RBKS: variants seen among roughly 807,000 people sequenced by gnomAD.
RBKS encodes the protein ribokinase.
Under a neutral mutation model 33.9 loss-of-function variants are expected in RBKS, and 33 were observed. That is an observed-to-expected ratio of 0.97 (90% CI 0.74 to 1.30). The LOEUF is 1.30. RBKS is among the 50% of genes most tolerant of loss of function. RBKS has a pLI of 0.00. For synonymous variants in RBKS, 125 were observed against 143.0 expected (o/e 0.87, Z 0.90); for missense variants, 361 against 392.6 (o/e 0.92, Z 0.68).
chr2:27,866,116 G>T (rs1044897618), intron 1 of RBKS, among the ~76,000 whole-genome samples: 1 of 151,960 alleles, frequency 6.6e-6, no homozygotes, highest in Non-Finnish European at 1.5e-5. Context: ...GAGTTTTCTG[G>T]TGATAAATTC....
At chr2:27,814,670 T>A (rs746363240) in intron 7 of RBKS, among the ~76,000 whole-genome samples, 22 of 152,230 alleles carry the variant, frequency 1.4e-4, no homozygotes, top group Admixed American at 1.2e-3. Context: ...GATGTCACTA[T>A]AATCTTTTTC....
chr2:27,878,758 G>C (rs1664366058), intron 1 of RBKS, among the ~76,000 whole-genome samples: 2 of 152,148 alleles, frequency 1.3e-5, no homozygotes, highest in Non-Finnish European at 2.9e-5. Flanking sequence ...TTATGGTTTT[G>C]ATTTGCATTT....
At chr2:27,802,020 T>TAG (rs1166883992) in intron 7 of RBKS, among the ~76,000 whole-genome samples, 2 of 109,370 alleles carry the variant, frequency 1.8e-5, no homozygotes, top group East Asian at 7.3e-4. Context: ...TTTTTTTTTT[T>TAG]AGAGAGAGAG....
At chr2:27,872,969 G>A (rs1267375787) in intron 1 of RBKS, among the ~76,000 whole-genome samples, 2 of 152,178 alleles carry the variant, frequency 1.3e-5, no homozygotes, top group African/African-American at 4.8e-5. Context: ...TGCTATACTC[G>A]CAGAGAAAGC....
Position 27,790,945 on chromosome 2 carries a change from T to A in RBKS, c.796-9157A>T, listed in dbSNP as rs143824240. ...TATTTATCCAAAAGAAATGAAAGTATATGTCCACATAAAGACCTACATGTG... is the reference window on the plus strand; with the variant it reads ...TATTTATCCAAAAGAAATGAAAGTAAATGTCCACATAAAGACCTACATGTG... On this transcript the variant is annotated intron_variant, in intron 7 of 7. Coordinates refer to ENST00000302188, the MANE Select transcript of RBKS (RefSeq NM_022128.3). Among the ~76,000 whole-genome samples, 1,007 of 152,348 alleles carry A rather than the reference T, an allele frequency of 6.6e-3. 4 individuals are homozygous for A. Among genetic ancestry groups the A allele is most frequent in the Non-Finnish European group, 0.012 (832 of 68,030 alleles).
intron 1 of RBKS, among the ~76,000 whole-genome samples, chr2:27,868,895 C>A (rs563481570): frequency 6.6e-6 from 1 of 152,288 alleles, no homozygotes; most frequent in East Asian, 1.9e-4. Flanking sequence ...ATAACTAATA[C>A]ATTAATAATG....
intron 1 of RBKS, among the ~76,000 whole-genome samples, chr2:27,868,671 T>C (rs1016167017): frequency 6.6e-6 from 1 of 152,234 alleles, no homozygotes; most frequent in South Asian, 2.1e-4. Flanking sequence ...TAGGTGATGT[T>C]ACACAGGAAA....
At chr2:27,848,276 T>C (rs1476734878) in intron 2 of RBKS, among the ~76,000 whole-genome samples, 179 bp from the exon 3 acceptor site, 1 of 152,196 alleles carries the variant, frequency 6.6e-6, no homozygotes, top group Non-Finnish European at 1.5e-5. Context: ...AATTGTTATA[T>C]AATGTTTCAC....
chr2:27,878,457 T>G (rs1019808755), intron 1 of RBKS, among the ~76,000 whole-genome samples: 1 of 152,180 alleles, frequency 6.6e-6, no homozygotes, highest in Non-Finnish European at 1.5e-5. Flanking sequence ...TGGTTCCAAG[T>G]CTTTGCTATT....
intron 7 of RBKS, among the ~76,000 whole-genome samples, chr2:27,799,052 C>T (rs934318792): frequency 2.6e-5 from 4 of 152,208 alleles, no homozygotes; most frequent in Middle Eastern, 3.4e-3. Flanking sequence ...AGGCACTGAC[C>T]GAACCAAGAA....
intron 7 of RBKS, among the ~76,000 whole-genome samples, chr2:27,815,760 G>C (rs1357973714): frequency 1.2e-4 from 19 of 152,158 alleles, no homozygotes; most frequent in Non-Finnish European, 1.5e-5. Flanking sequence ...CCTAATCGTA[G>C]ATGGGTAAGC....
chr2:27,829,138 A>C (rs569112935), intron 6 of RBKS, among the ~76,000 whole-genome samples: 13 of 152,154 alleles, frequency 8.5e-5, no homozygotes, highest in African/African-American at 3.1e-4. Flanking sequence ...CATGTGATTC[A>C]ACTGCTTTGG....
At chr2:27,839,953 T>A (rs1431564195) in intron 5 of RBKS, among the ~76,000 whole-genome samples, 1 of 151,982 alleles carries the variant, frequency 6.6e-6, no homozygotes, top group Non-Finnish European at 1.5e-5. Context: ...GCTGATTGAT[T>A]ATGAATTTAA....
In RBKS at chr2:27,801,765, T is replaced by C. The variant is rs556268834; in HGVS notation, c.796-19977A>G. Among the ~76,000 whole-genome samples, 7 of 151,354 alleles carry C rather than the reference T, an allele frequency of 4.6e-5. No homozygotes were observed. The South Asian group carries it at 1.3e-3, about 27-fold the overall frequency. ...GGAGGCCTCAGGGAGCTTTCACTCATGGTGGAGGACGAAGCAGGAGCAGGC... is the reference window on the plus strand; with the variant it reads ...GGAGGCCTCAGGGAGCTTTCACTCACGGTGGAGGACGAAGCAGGAGCAGGC... On this transcript the variant is annotated intron_variant, in intron 7 of 7. Transcript: ENST00000302188.
intron 1 of RBKS, among the ~76,000 whole-genome samples, chr2:27,885,128 C>T (rs1484050893): frequency 1.3e-5 from 2 of 152,070 alleles, no homozygotes; most frequent in Non-Finnish European, 2.9e-5. Context: ...AGCCCTCTCC[C>T]ACCCAACTTT....
intron 4 of RBKS, among the ~76,000 whole-genome samples, chr2:27,844,586 G>A (rs935437624): frequency 1.3e-5 from 2 of 151,820 alleles, no homozygotes; most frequent in African/African-American, 4.8e-5. Context: ...TAGTAGAGAT[G>A]GGGTTTCACT....
chr2:27,789,897 T>C (rs998018545), intron 7 of RBKS, among the ~76,000 whole-genome samples: 3 of 136,450 alleles, frequency 2.2e-5, no homozygotes, highest in African/African-American at 8.6e-5. Flanking sequence ...TGTGTGTGTA[T>C]AGAGTGTGTG....
intron 1 of RBKS, among the ~76,000 whole-genome samples, chr2:27,877,214 G>A (rs1429778052): frequency 4.0e-5 from 6 of 151,674 alleles, no homozygotes; most frequent in South Asian, 2.1e-4. Context: ...TAGTTCCACA[G>A]TCTCTAAGTC....
At chr2:27,801,999 T>A (rs1398515612) in intron 7 of RBKS, among the ~76,000 whole-genome samples, 2 of 105,562 alleles carry the variant, frequency 1.9e-5, no homozygotes, top group African/African-American at 8.0e-5. Context: ...TATATTTTTT[T>A]TTTTTTTTTT....
Sources: gnomAD v4.1 joint callset for allele counts (sites outside exome capture counted in the v4.1 genomes callset) on GRCh38, gnomAD v4.1.1 for gene constraint, MANE v1.5 for transcripts, NCBI Gene and HGNC (gene_info 2026-07-23, HGNC 2026-07-21) for gene names.